Variants in TUBA4B observed in about 807,000 individuals in gnomAD.
TUBA4B encodes the protein tubulin alpha 4b, also known as tubulin-like protein alpha-4B.
Under a neutral mutation model 18.4 loss-of-function variants are expected in TUBA4B, and 13 were observed. The observed-to-expected ratio is 0.71, with a 90% CI of 0.46 to 1.12. The LOEUF (loss-of-function observed/expected upper bound fraction) is 1.12, where lower values mean the gene tolerates loss of function less well. Ranked by LOEUF, TUBA4B falls within the 50% of genes most tolerant of loss-of-function variation. The pLI is 0.00. For synonymous variants in TUBA4B, 101 were observed against 99.1 expected, an observed-to-expected ratio of 1.02 and a Z score of -0.11; for missense variants, 244 against 250.0, an observed-to-expected ratio of 0.98 and a Z score of 0.16.
intron 1 of TUBA4B, chr2:219,254,585 C>T (rs2125072456): frequency 6.6e-6 from 1 of 152,404 alleles, no homozygotes; most frequent in African/African-American, 2.4e-5. Flanking sequence ...CGCCGGCCGC[C>T]CGCGGGTCAG....
intron 3 of TUBA4B, among the ~76,000 whole-genome samples, 180 bp from the exon 4 acceptor site, chr2:219,270,986 G>C (rs1951821312): frequency 6.6e-6 from 1 of 152,160 alleles, no homozygotes; most frequent in Non-Finnish European, 1.5e-5. Context: ...AGAGGAAGAG[G>C]GACAGGGAGG....
chr2:219,267,582 T>C (rs565386978), intron 2 of TUBA4B, among the ~76,000 whole-genome samples: 111 of 120,054 alleles, frequency 9.2e-4, no homozygotes, highest in Non-Finnish European at 1.5e-3. Context: ...CTTTTTTTTG[T>C]TTTTTTTTTT....
chr2:219,266,605 T>C (rs979381291), intron 2 of TUBA4B, 39 bp downstream of exon 2: 2 of 701,888 alleles, frequency 2.8e-6, no homozygotes, highest in South Asian at 1.5e-5. Context: ...AGCATGCAAG[T>C]GAGGGTCCCA....
Position 219,270,322 on chromosome 2 carries a change from G to A in TUBA4B, c.179G>A (p.Arg60Gln), listed in dbSNP as rs559412981. The A allele has an allele frequency of 6.9e-5, 51 of 737,622 alleles. No homozygotes were observed. Among genetic ancestry groups the A allele is most frequent in the African/African-American group, 5.0e-4 (29 of 58,474 alleles). The allele number at this position is 737,622 out of a possible 1,614,324, so 45.7% of individuals were successfully genotyped here. A position where few individuals can be genotyped will look rare whatever the true frequency, so the allele number is the denominator to read the frequency against. Reference sequence around the variant, plus strand: ...GAGTTCATCGACCTGCTACTGGACCGGATTCGGAAGCTGGTGAGGAAAGGA... The same window carrying A: ...GAGTTCATCGACCTGCTACTGGACCAGATTCGGAAGCTGGTGAGGAAAGGA... ...GKEFIDLLLDRIRKLADQCTG... is the reference protein window; with the variant it reads ...GKEFIDLLLDQIRKLADQCTG... The change falls in exon 3 of 4, where the codon CGG becomes CAG. Residue 60 changes from arginine (R) to glutamine (Q), a missense_variant. Physicochemically the swap from Arg to Gln is conservative, Grantham distance 43. Coordinates refer to ENST00000490341, the MANE Select transcript of TUBA4B (RefSeq NM_001355221.1).
chr2:219,266,393 C>T, intron 1 of TUBA4B, 128 bp from the exon 2 acceptor site: 2 of 612,088 alleles, frequency 3.3e-6, no homozygotes, highest in East Asian at 5.5e-5. Context: ...ACCAAGTCAA[C>T]AGGCCCTGCC....
rs1047221293 is a variant in TUBA4B, at chr2:219,272,053, A to G, written c.*354A>G. 5 of 1,384,416 alleles carry G rather than the reference A, an allele frequency of 3.6e-6. No individual in the cohort carries two copies. The highest frequency in any genetic ancestry group is 5.1e-6 in the Non-Finnish European group (5 of 977,160). The allele number at this position is 1,384,416 out of a possible 1,614,324, so 85.8% of individuals were successfully genotyped here. A position where few individuals can be genotyped will look rare whatever the true frequency, so the allele number is the denominator to read the frequency against. On this transcript the variant is annotated 3_prime_UTR_variant, in exon 4 of 4. Coordinates refer to ENST00000490341, the MANE Select transcript of TUBA4B (RefSeq NM_001355221.1). The stretch of plus-strand genomic sequence containing the variant: ...GAGGAGGGTGAGTTCTCCAAGGCCC[A>G]TGAGGATATGACTGCCCTGGAGAAG...
At chr2:219,263,960 CT>C (rs1298971937) in intron 1 of TUBA4B, among the ~76,000 whole-genome samples, 3 of 152,348 alleles carry the variant, frequency 2.0e-5, no homozygotes, top group African/African-American at 7.2e-5. Flanking sequence ...TTTGCTAAAT[CT>C]GGCAGACCTA....
chr2:219,253,510 C>CG, intron 1 of TUBA4B, 91 bp downstream of exon 1: 1 of 1,116,472 alleles, frequency 9.0e-7, no homozygotes, highest in East Asian at 2.6e-5. Flanking sequence ...GCAGCCAAAC[C>CG]CGTCTTCTTT....
chr2:219,267,796 C>A (rs1442536467), intron 2 of TUBA4B, among the ~76,000 whole-genome samples: 8 of 152,174 alleles, frequency 5.3e-5, no homozygotes, highest in Admixed American at 5.2e-4. Flanking sequence ...ATCGCCTGAC[C>A]TTGTGATCTG....
At chr2:219,266,317 T>C (rs1445671757) in intron 1 of TUBA4B, 3 of 562,290 alleles carry the variant, frequency 5.3e-6, no homozygotes, top group South Asian at 4.5e-5. Flanking sequence ...CCCTGGCCCC[T>C]CCTCTGCCCA....
At chr2:219,254,297 A>G (rs1951697550) in intron 1 of TUBA4B, 1 of 158,192 alleles carries the variant, frequency 6.3e-6, no homozygotes, top group Non-Finnish European at 1.4e-5. Context: ...GTCCTTCCCA[A>G]GCGGCCACAG....
chr2:219,253,481 G>A (rs1951683006), intron 1 of TUBA4B, 62 bp downstream of exon 1: 1 of 1,330,292 alleles, frequency 7.5e-7, no homozygotes, highest in African/African-American at 1.4e-5. Context: ...TGAGGACCAG[G>A]GACTGGGGAT....
chr2:219,260,050 G>A (rs927751796), intron 1 of TUBA4B, among the ~76,000 whole-genome samples: 5 of 152,072 alleles, frequency 3.3e-5, no homozygotes, highest in South Asian at 4.1e-4. Context: ...TCTCATGGTC[G>A]ATTCTTCTTT....
intron 1 of TUBA4B, among the ~76,000 whole-genome samples, chr2:219,260,866 G>A (rs538971899): frequency 2.0e-5 from 3 of 152,190 alleles, no homozygotes; most frequent in Non-Finnish European, 2.9e-5. Context: ...CCAGCTGCTC[G>A]GGAGGCTGAG....
intron 2 of TUBA4B, among the ~76,000 whole-genome samples, 169 bp downstream of exon 2, chr2:219,266,735 G>A (rs1186042228): frequency 2.0e-5 from 3 of 152,176 alleles, no homozygotes; most frequent in Non-Finnish European, 2.9e-5. Flanking sequence ...GCCCCCAAAT[G>A]TGCAGGTGTG....
chr2:219,271,768 G>A lies in TUBA4B; in HGVS notation c.*69G>A. 4 of 1,610,952 alleles carry A rather than the reference G, an allele frequency of 2.5e-6. No individual in the cohort carries two copies. In the Admixed American group the frequency reaches 6.7e-5, roughly 27 times the overall value. On this transcript the variant is annotated 3_prime_UTR_variant, in exon 4 of 4. Coordinates refer to ENST00000490341, the MANE Select transcript of TUBA4B (RefSeq NM_001355221.1). ...ATACCATGGAGATGTGGTGCCCAAG[G>A]ATGTCAACGCTGCCATTGCTGCCAT...
intron 1 of TUBA4B, among the ~76,000 whole-genome samples, chr2:219,261,788 G>C (rs770736360): frequency 6.6e-6 from 1 of 152,150 alleles, no homozygotes; most frequent in African/African-American, 2.4e-5. Context: ...AGGCAATGAC[G>C]CTTGTTTCAA....
In TUBA4B at chr2:219,272,153, A is replaced by C; in HGVS notation, c.*454A>C. On this transcript the variant is annotated 3_prime_UTR_variant, in exon 4 of 4. Transcript: ENST00000490341. ...TAGGGGGGATGAATACTAGGGGAAT[A>C]CTGTGTGTCTGTCCTACATAAAGTG... 1 of 620,506 alleles carries C rather than the reference A, an allele frequency of 1.6e-6. No individual in the cohort carries two copies. Among genetic ancestry groups the C allele is most frequent in the African/African-American group, 1.9e-5 (1 of 51,924 alleles). The allele number at this position is 620,506 out of a possible 1,614,324, so 38.4% of individuals were successfully genotyped here.
intron 1 of TUBA4B, among the ~76,000 whole-genome samples, chr2:219,263,561 G>A (rs199730948): frequency 1.3e-5 from 2 of 152,212 alleles, no homozygotes; most frequent in Non-Finnish European, 2.9e-5. Flanking sequence ...AACTCCCAAG[G>A]CCAGTTGGGA....
Sources: allele counts gnomAD v4.1 joint callset (sites outside exome capture counted in the v4.1 genomes callset), GRCh38; gene constraint gnomAD v4.1.1; transcripts MANE v1.5; gene names NCBI Gene and HGNC (gene_info 2026-07-23, HGNC 2026-07-21).